The following DSP variants were observed in gnomAD, a reference collection of about 807,000 sequenced individuals.
DSP encodes 250/210 kDa paraneoplastic pemphigus antigen.
A neutral mutation model predicts 290.6 loss-of-function variants in DSP; 114 were observed. That is an observed-to-expected ratio of 0.39 (90% CI 0.34 to 0.46). The LOEUF (loss-of-function observed/expected upper bound fraction) is 0.46, where lower values mean the gene tolerates loss of function less well. Ranked by LOEUF, DSP falls within the 20% of genes least tolerant of loss-of-function variation. The probability of loss-of-function intolerance (pLI) is 0.99; values close to 1 mark genes in which losing one functional copy is unlikely to be tolerated. For synonymous variants in DSP, 1,311 were observed against 1,316.4 expected (o/e 1.00, Z 0.09); for missense variants, 3,230 against 3,495.8 (o/e 0.92, Z 1.92).
At chr6:7,543,275 C>T (rs1031840958) in intron 1 of DSP, among the ~76,000 whole-genome samples, 1 of 152,074 alleles carries the variant, frequency 6.6e-6, no homozygotes, top group African/African-American at 2.4e-5. Flanking sequence ...AACCTGAATG[C>T]GCTCCAGGGA....
intron 15 of DSP, 21 bp from the exon 16 acceptor site, chr6:7,574,065 G>C: frequency 6.2e-7 from 1 of 1,613,768 alleles, no homozygotes; most frequent in Non-Finnish European, 8.5e-7. Flanking sequence ...AATCAAAAGA[G>C]CTTTCCTTCA....
chr6:7,562,372 G>GTTTT lies in DSP; in HGVS notation c.598-280_598-279insTTTT, dbSNP rs1561683391. On this transcript the variant is annotated intron_variant, in intron 4 of 23. Transcript: ENST00000379802. ...TGCTTGCCTGTGCACAGGTAGATTT[G>GTTTT]GTTTTTTTTTTTTTTCAGAAGACAT... Among the ~76,000 whole-genome samples the GTTTT allele has an allele frequency of 2.6e-3, 345 of 133,522 alleles. 2 individuals carry two copies. The highest frequency in any genetic ancestry group is 9.7e-3 in the African/African-American group (332 of 34,326). 87.6% of individuals were successfully genotyped at this position (133,522 alleles called of 152,430 possible).
In DSP at chr6:7,559,308, G is replaced by T. The variant is rs1184706017; in HGVS notation, c.505G>T (p.Gly169Cys). 4 of 1,613,860 alleles carry T rather than the reference G, an allele frequency of 2.5e-6. No homozygotes were observed. Among genetic ancestry groups the T allele is most frequent in the Non-Finnish European group, 2.5e-6 (3 of 1,180,044 alleles). Reference protein sequence around the residue: ...PRVRRASSKGGGGYTCQSGSG... With the variant: ...PRVRRASSKGCGGYTCQSGSG... Reference sequence around the variant, plus strand: ...AGTCCGCAGGGCCAGCTCCAAGGGTGGTGGAGGCTACACTTGTCAGAGTGG... The same window carrying T: ...AGTCCGCAGGGCCAGCTCCAAGGGTTGTGGAGGCTACACTTGTCAGAGTGG... The change falls in exon 4 of 24, where the codon GGT (glycine) becomes TGT (cysteine). Residue 169 changes from glycine (G) to cysteine (C), a missense_variant. Gly to Cys is a radical substitution (Grantham distance 159, BLOSUM62 -3). Coordinates refer to ENST00000379802, the MANE Select transcript of DSP (RefSeq NM_004415.4).
intron 1 of DSP, among the ~76,000 whole-genome samples, chr6:7,551,608 C>T (rs765636330): frequency 4.7e-5 from 7 of 150,396 alleles, no homozygotes; most frequent in East Asian, 1.9e-4. Context: ...CCAGCCTGGG[C>T]GACAGAGTGA....
intron 22 of DSP, 114 bp downstream of exon 22, chr6:7,578,676 T>C: frequency 1.1e-6 from 1 of 877,602 alleles, no homozygotes; most frequent in Non-Finnish European, 1.9e-6. Context: ...CTGTATTTCC[T>C]CTAAAGGTTT....
At position 7,583,402 on chromosome 6, in the gene DSP, T is replaced by A; in HGVS notation, c.6140T>A (p.Met2047Lys). The A allele has an allele frequency of 6.2e-7, 1 of 1,614,170 alleles. No individual in the cohort carries two copies. Among genetic ancestry groups the A allele is most frequent in the Non-Finnish European group, 8.5e-7 (1 of 1,180,036 alleles). ...KKLISPESTV[M>K]LLEAQAATGG... is the part of the protein sequence containing the mutation. ...TTAATCAGCCCAGAATCCACAGTCATGCTTCTGGAGGCCCAGGCAGCTACA... is the reference window on the plus strand; with the variant it reads ...TTAATCAGCCCAGAATCCACAGTCAAGCTTCTGGAGGCCCAGGCAGCTACA... Residue 2047 changes from methionine to lysine, a missense_variant, in exon 24 of 24, where the codon ATG (methionine) becomes AAG (lysine). Transcript: ENST00000379802. This position sits in a 1 kb window ranked among gnomAD's most constrained non-coding sequence, Gnocchi z 4.0.
At chr6:7,554,119 A>ACACACACACACC (rs1183696082) in intron 1 of DSP, among the ~76,000 whole-genome samples, 3 of 151,410 alleles carry the variant, frequency 2.0e-5, no homozygotes, top group Non-Finnish European at 4.4e-5. Flanking sequence ...ACACACACAC[A>ACACACACACACC]CACACACCCA....
At chr6:7,566,576 C>A in intron 8 of DSP, 95 bp downstream of exon 8, 1 of 1,016,452 alleles carries the variant, frequency 9.8e-7, no homozygotes, top group Non-Finnish European at 1.5e-6. Context: ...GACTTAAAGC[C>A]GTGCCAACTT....
intron 2 of DSP, among the ~76,000 whole-genome samples, chr6:7,557,116 G>A (rs1228008287): frequency 6.6e-6 from 1 of 152,198 alleles, no homozygotes; most frequent in African/African-American, 2.4e-5. Flanking sequence ...CCAAGTAAAA[G>A]CAGCAAATAT....
chr6:7,586,044 C>A lies in DSP; in HGVS notation c.*166C>A. On this transcript the variant is annotated 3_prime_UTR_variant, in exon 24 of 24. Coordinates refer to ENST00000379802, the MANE Select transcript of DSP (RefSeq NM_004415.4). Reference sequence around the variant, plus strand: ...AATCAAATAGTAAAGGCTGTTCTGGCTTTTTATCTTCTTAGCTCATCTTAA... The same window carrying A: ...AATCAAATAGTAAAGGCTGTTCTGGATTTTTATCTTCTTAGCTCATCTTAA... 1.4e-6 allele frequency: 1 copy of A among 718,158 alleles called. No individual in the cohort carries two copies. Among genetic ancestry groups the A allele is most frequent in the South Asian group, 1.8e-5 (1 of 54,626 alleles). 44.5% of individuals were successfully genotyped at this position (718,158 alleles called of 1,614,324 possible).
chr6:7,545,978 C>T (rs548259257), intron 1 of DSP, among the ~76,000 whole-genome samples: 4 of 152,102 alleles, frequency 2.6e-5, no homozygotes, highest in Admixed American at 6.6e-5. Flanking sequence ...TTGAATGCCC[C>T]GGAGAGGGAT....
Position 7,565,660 on chromosome 6 carries a change from T to C in DSP, c.939+140T>C. The C allele has an allele frequency of 1.7e-6, 2 of 1,194,442 alleles. No homozygotes were observed. Among genetic ancestry groups the C allele is most frequent in the Non-Finnish European group, 2.4e-6 (2 of 839,336 alleles). The allele number at this position is 1,194,442 out of a possible 1,614,324, so 74.0% of individuals were successfully genotyped here. On this transcript the variant is annotated intron_variant, in intron 7 of 23. Coordinates refer to ENST00000379802, the MANE Select transcript of DSP (RefSeq NM_004415.4). The surrounding 1 kb of genome is among the most constrained non-coding windows in gnomAD (Gnocchi z 4.2). The stretch of plus-strand genomic sequence containing the variant: ...CCTTCTTTGAAATGGTCGTGAAAAA[T>C]CCTTCCTTCCTGAAAACTTCTCCGT...
Position 7,583,659 on chromosome 6 carries a change from G to A in DSP, c.6397G>A (p.Gly2133Ser), listed in dbSNP as rs372393122. Residue 2133 changes from glycine (G) to serine (S), a missense_variant, in exon 24 of 24, where the codon GGT becomes AGT. Coordinates refer to ENST00000379802, the MANE Select transcript of DSP (RefSeq NM_004415.4). The surrounding 1 kb of genome is among the most constrained non-coding windows in gnomAD (Gnocchi z 4.0). The part of the protein sequence containing the change: ...RLLEAQIASG[G>S]VVDPVNSVFL... ...GCTGGAAGCCCAGATTGCTTCAGGG[G>A]GTGTAGTAGACCCTGTGAACAGTGT... is the stretch of plus-strand genomic sequence containing the variant. 18 of 1,613,924 alleles carry A rather than the reference G, an allele frequency of 1.1e-5. No individual in the cohort carries two copies. The East Asian group carries it at 2.2e-4, about 20-fold the overall frequency.
In DSP at chr6:7,573,985, CTG is replaced by C; in HGVS notation, c.2131-97_2131-96del. The C allele has an allele frequency of 2.4e-6, 3 of 1,225,944 alleles. No individual in the cohort carries two copies. In the South Asian group the frequency reaches 3.8e-5, roughly 15 times the overall value. The allele number at this position is 1,225,944 out of a possible 1,614,324, so 75.9% of individuals were successfully genotyped here. A position where few individuals can be genotyped will look rare whatever the true frequency, so the allele number is the denominator to read the frequency against. On this transcript the variant is annotated intron_variant, in intron 15 of 23. Coordinates refer to ENST00000379802, the MANE Select transcript of DSP (RefSeq NM_004415.4). The stretch of plus-strand genomic sequence containing the variant: ...TTACTTACCTGATGTAATCATTTCA[CTG>C]TGTCTATGTGTATTAAAACAGCATA...
In DSP at chr6:7,565,366, C is replaced by T. The variant is rs1288609538; in HGVS notation, c.785C>T (p.Ser262Phe). ...TTTGAACCTCCTGTGCAGAAAGCGT[C>T]CTTTGAGAGGATGGATCACCTGCGA... ...EEEYENLLKASFERMDHLRQL... is the reference protein window; with the variant it reads ...EEEYENLLKAFFERMDHLRQL... Residue 262 changes from serine (S) to phenylalanine (F), a missense_variant, in exon 7 of 24, where the codon TCC becomes TTC. This residue lies in a region of DSP where 646 missense variants were observed against 684.3 expected (regional missense o/e 0.94). Transcript: ENST00000379802. This position sits in a 1 kb window ranked among gnomAD's most constrained non-coding sequence, Gnocchi z 4.2. 1 of 1,613,884 alleles carries T rather than the reference C, an allele frequency of 6.2e-7. No homozygotes were observed. The highest frequency in any genetic ancestry group is 8.5e-7 in the Non-Finnish European group (1 of 1,180,010).
In DSP at chr6:7,554,058, T is replaced by A. The variant is rs528772457; in HGVS notation, c.171-1660T>A. On this transcript the variant is annotated intron_variant, in intron 1 of 23. Coordinates refer to ENST00000379802, the MANE Select transcript of DSP (RefSeq NM_004415.4). The stretch of plus-strand genomic sequence containing the variant: ...CCATTGTTTGTCAAACATTTTTTTT[T>A]AAACAGTGAAATTCTTTCTTTAAAA... 1.8e-4 allele frequency among the ~76,000 whole-genome samples: 25 copies of A among 136,636 alleles called. No individual in the cohort carries two copies. In the South Asian group the frequency reaches 5.5e-3, roughly 30 times the overall value. The allele number at this position is 136,636 out of a possible 152,430, so 89.6% of individuals were successfully genotyped here. A position where few individuals can be genotyped will look rare whatever the true frequency, so the allele number is the denominator to read the frequency against.
Position 7,579,313 on chromosome 6 carries a change from C to G in DSP, c.3123C>G (p.Leu1041=), listed in dbSNP as rs149929637. Residue 1041 remains leucine, a synonymous_variant, in exon 23 of 24, where the codon CTC becomes CTG. Coordinates refer to ENST00000379802, the MANE Select transcript of DSP (RefSeq NM_004415.4). This position sits in a 1 kb window ranked among gnomAD's most constrained non-coding sequence, Gnocchi z 4.1. The stretch of plus-strand genomic sequence containing the variant: ...AGATCGAAGTTTTGGAAGAGGAGCT[C>G]AGACTGGCCCGAGATGCCAACTCGG... ...NTKIEVLEEE[L]RLARDANSEN... 2.5e-6 allele frequency: 4 copies of G among 1,614,148 alleles called. No individual in the cohort carries two copies. Among genetic ancestry groups the G allele is most frequent in the Non-Finnish European group, 3.4e-6 (4 of 1,180,026 alleles).
rs1759288530 is a variant in DSP at position 7,577,837 on chromosome 6, C to G, written c.2936C>G (p.Pro979Arg). The change falls in exon 21 of 24, where the codon CCT becomes CGT. Residue 979 changes from proline (P) to arginine (R), a missense_variant. By Grantham distance (103) the Pro-to-Arg change is moderately radical. Around this residue, in one of 5 missense-constraint regions of DSP, gnomAD observed 1,714 missense variants for 1,844.5 expected, o/e 0.93. Coordinates refer to ENST00000379802, the MANE Select transcript of DSP (RefSeq NM_004415.4). ...TSGLETLLNI[P>R]IKRTMIQSPS... ...GGACTGGAAACTCTGCTGAACATACCTATCAAGAGGACCATGATTCAGTCC... is the reference window on the plus strand; with the variant it reads ...GGACTGGAAACTCTGCTGAACATACGTATCAAGAGGACCATGATTCAGTCC... 6.2e-7 allele frequency: 1 copy of G among 1,614,160 alleles called. No individual in the cohort carries two copies. Among genetic ancestry groups the G allele is most frequent in the Non-Finnish European group, 8.5e-7 (1 of 1,180,026 alleles).
intron 1 of DSP, among the ~76,000 whole-genome samples, chr6:7,552,142 A>C (rs1758359356): frequency 6.6e-6 from 1 of 152,056 alleles, no homozygotes; most frequent in South Asian, 2.1e-4. Flanking sequence ...CCAACACTTA[A>C]GCTTTTTATT....
Sources: gnomAD v4.1 joint callset for allele counts (sites outside exome capture counted in the v4.1 genomes callset) on GRCh38, gnomAD v4.1.1 for gene constraint, gnomAD v4.1.1 regional missense constraint, Gnocchi (gnomAD v3.1) non-coding constraint, MANE v1.5 for transcripts, NCBI Gene and HGNC (gene_info 2026-07-23, HGNC 2026-07-21) for gene names.